DRC3: variants seen among roughly 807,000 people sequenced by gnomAD.
The protein encoded by DRC3 is leucine rich repeat containing 48.
DRC3 carries 45 observed loss-of-function variants against 57.6 expected under a neutral mutation model. The observed-to-expected ratio is 0.78, with a 90% CI of 0.62 to 1.00. DRC3 has a LOEUF of 1.00. DRC3 is among the 50% of genes least tolerant of loss of function. The pLI, the probability that DRC3 is intolerant of heterozygous loss-of-function variation, is 0.00. For synonymous variants in DRC3, 257 were observed against 272.3 expected (o/e 0.94, Z 0.55); for missense variants, 655 against 675.2 (o/e 0.97, Z 0.33).
intron 9 of DRC3, among the ~76,000 whole-genome samples, chr17:17,998,980 G>A (rs1293790260): frequency 6.6e-6 from 1 of 152,216 alleles, no homozygotes; most frequent in Non-Finnish European, 1.5e-5. Context: ...AGTGGCAGTT[G>A]TCCCCTCTGG....
chr17:18,007,569 C>T, intron 12 of DRC3: 6 of 1,488,398 alleles, frequency 4.0e-6, no homozygotes, highest in Non-Finnish European at 5.4e-6. Flanking sequence ...TGCACAATGC[C>T]ATCCGGTTTG....
At chr17:17,977,899 G>T (rs2042463627) in intron 3 of DRC3, 141 bp downstream of exon 3, 6 of 746,120 alleles carry the variant, frequency 8.0e-6, no homozygotes, top group Non-Finnish European at 1.3e-5. Flanking sequence ...GGGTTACAAG[G>T]CATAGGAGCA....
intron 3 of DRC3, among the ~76,000 whole-genome samples, chr17:17,981,982 C>T (rs2042714097): frequency 2.0e-5 from 3 of 151,918 alleles, no homozygotes; most frequent in Admixed American, 2.0e-4. Flanking sequence ...GCCACCATGC[C>T]CAGCCACAGG....
rs560086094 is a variant in DRC3 at position 18,000,359 on chromosome 17, T to A, written c.999+2725T>A. ...GTTCTGTACTTTGCTTTCACGTGAG[T>A]GTGTGTGTGTGTGTGTGTGTGTGCA... On this transcript the variant is annotated intron_variant, in intron 9 of 13. Coordinates refer to ENST00000399187, the MANE Select transcript of DRC3 (RefSeq NM_031294.4). Among the ~76,000 whole-genome samples, 7 of 140,848 alleles carry A rather than the reference T, an allele frequency of 5.0e-5. No individual in the cohort carries two copies. The East Asian group carries it at 6.0e-4, about 12-fold the overall frequency. The allele number at this position is 140,848 out of a possible 152,430, so 92.4% of individuals were successfully genotyped here. A position where few individuals can be genotyped will look rare whatever the true frequency, so the allele number is the denominator to read the frequency against.
At chr17:18,014,822 A>G (rs945970789) in intron 12 of DRC3, among the ~76,000 whole-genome samples, 5 of 152,132 alleles carry the variant, frequency 3.3e-5, no homozygotes, top group Non-Finnish European at 5.9e-5. Context: ...GGCTTTACAC[A>G]CCTTTGAACC....
chr17:17,987,820 T>C, intron 4 of DRC3, 112 bp from the exon 5 acceptor site: 1 of 1,126,082 alleles, frequency 8.9e-7, no homozygotes, highest in South Asian at 1.5e-5. Flanking sequence ...ATTCTGGCCC[T>C]GGCAGCTTGG....
At chr17:17,994,024 TG>T in intron 6 of DRC3, 1 of 387,874 alleles carries the variant, frequency 2.6e-6, no homozygotes, top group Non-Finnish European at 4.9e-6. Flanking sequence ...GCTCCTGCCC[TG>T]GAGATGGCCC....
At chr17:18,001,689 G>A (rs982406950) in intron 9 of DRC3, among the ~76,000 whole-genome samples, 2 of 151,956 alleles carry the variant, frequency 1.3e-5, no homozygotes, top group South Asian at 4.2e-4. Flanking sequence ...CCAGCACTTC[G>A]GGAAGCTGTG....
At chr17:17,996,262 T>G (rs757560609) in intron 8 of DRC3, among the ~76,000 whole-genome samples, 1 of 152,234 alleles carries the variant, frequency 6.6e-6, no homozygotes, top group Non-Finnish European at 1.5e-5. Context: ...TCAGGTGATC[T>G]GCCTCGGCCT....
intron 10 of DRC3, 29 bp downstream of exon 10, chr17:18,004,523 A>G (rs753797570): frequency 1.3e-6 from 2 of 1,599,898 alleles, no homozygotes; most frequent in Non-Finnish European, 1.7e-6. Flanking sequence ...CACAAGTGCC[A>G]GAATCTGGCG....
At chr17:18,003,551 C>A (rs1358291006) in intron 9 of DRC3, among the ~76,000 whole-genome samples, 1 of 146,522 alleles carries the variant, frequency 6.8e-6, no homozygotes, top group Non-Finnish European at 1.5e-5. Context: ...AGGGAGGGCA[C>A]CTTTCCCATG....
At chr17:17,985,658 G>A (rs559745035) in intron 4 of DRC3, among the ~76,000 whole-genome samples, 1 of 152,322 alleles carries the variant, frequency 6.6e-6, no homozygotes, top group South Asian at 2.1e-4. Context: ...TGCCACGCTG[G>A]TAGCTTGAAA....
At chr17:17,980,266 G>A (rs1048494577) in intron 3 of DRC3, among the ~76,000 whole-genome samples, 6 of 150,908 alleles carry the variant, frequency 4.0e-5, no homozygotes, top group Admixed American at 2.0e-4. Context: ...TTGTTTGTTT[G>A]TTTTGTTTTA....
chr17:17,997,629 T>A lies in DRC3; in HGVS notation c.994T>A (p.Leu332Met). ...RKIAKFEEKH[L>M]SSLSAIREEL... ...GATTGCCAAATTCGAGGAGAAGCACTTGTCGGTAGGCCCCGAGCCTCCTGA... is the reference window on the plus strand; with the variant it reads ...GATTGCCAAATTCGAGGAGAAGCACATGTCGGTAGGCCCCGAGCCTCCTGA... Residue 332 changes from leucine (L) to methionine (M), a missense_variant, in exon 9 of 14, where the codon TTG becomes ATG. Physicochemically the swap from Leu to Met is conservative, Grantham distance 15. Coordinates refer to ENST00000399187, the MANE Select transcript of DRC3 (RefSeq NM_031294.4). 1.2e-6 allele frequency: 2 copies of A among 1,603,088 alleles called. No individual in the cohort carries two copies. The highest frequency in any genetic ancestry group is 1.7e-6 in the Non-Finnish European group (2 of 1,175,140).
At chr17:17,989,561 A>C (rs1568482275) in intron 5 of DRC3, 2 of 152,676 alleles carry the variant, frequency 1.3e-5, no homozygotes, top group East Asian at 3.8e-4. Context: ...ACTTGCACGC[A>C]GGTGGCTGGT....
chr17:18,007,319 A>G, intron 12 of DRC3, 172 bp downstream of exon 12: 1 of 1,411,708 alleles, frequency 7.1e-7, no homozygotes, highest in Middle Eastern at 1.8e-4. Flanking sequence ...ATAGGCTAAC[A>G]AAGCACCTGG....
chr17:18,010,616 GAC>G (rs1363851554), intron 12 of DRC3: 3 of 164,164 alleles, frequency 1.8e-5, no homozygotes, highest in Admixed American at 6.4e-5. Flanking sequence ...GCATAAAACA[GAC>G]ACACATTTCT....
chr17:17,994,396 G>C lies in DRC3; in HGVS notation c.689G>C (p.Arg230Pro). The change falls in exon 7 of 14, where the codon CGG (arginine) becomes CCG (proline). Residue 230 changes from arginine to proline, a missense_variant. By Grantham distance (103) the Arg-to-Pro change is moderately radical. Transcript: ENST00000399187. ...CAGCTGGAGGACGAGCAGGCGCAGC[G>C]GGAGGAGCTAGAGAAGCACAAGGTA... ...QAQLEDEQAQ[R>P]EELEKHKTAF... The C allele has an allele frequency of 1.3e-6, 2 of 1,553,350 alleles. No homozygotes were observed.
intron 6 of DRC3, chr17:17,994,067 C>G (rs2043347005): frequency 1.5e-5 from 7 of 482,512 alleles, no homozygotes; most frequent in Middle Eastern, 6.3e-4. Flanking sequence ...CTGCCTTCCG[C>G]TCCTCCTGGT....
Sources: allele counts gnomAD v4.1 joint callset (sites outside exome capture counted in the v4.1 genomes callset), GRCh38; gene constraint gnomAD v4.1.1; transcripts MANE v1.5; gene names NCBI Gene and HGNC (gene_info 2026-07-23, HGNC 2026-07-21).